PTPRD: variants seen among roughly 807,000 people sequenced by gnomAD.
The protein encoded by PTPRD is protein tyrosine phosphatase receptor type D.
In PTPRD, 34 loss-of-function variants were observed where a neutral mutation model predicts 214.5. That is an observed-to-expected ratio of 0.16 (90% CI 0.12 to 0.21). The LOEUF is 0.21. Ranked by LOEUF, PTPRD falls within the 10% of genes least tolerant of loss-of-function variation. PTPRD has a pLI of 1.00. For missense variants in PTPRD, 2,545 were observed against 2,398.7 expected (o/e 1.06, Z -1.27); for synonymous variants, 1,128 against 845.7 (o/e 1.33, Z -5.79).
chr9:10,143,567 A>G (rs2099002156), intron 3 of PTPRD, among the ~76,000 whole-genome samples: 1 of 138,640 alleles, frequency 7.2e-6, no homozygotes, highest in South Asian at 2.6e-4. Flanking sequence ...GGGTATATAC[A>G]TAAAGAAAAA....
chr9:9,051,425 T>C (rs67629046), intron 10 of PTPRD, among the ~76,000 whole-genome samples: 10,593 of 152,218 alleles, frequency 0.07, 414 homozygotes, highest in African/African-American at 0.084. Flanking sequence ...ATATTGCATA[T>C]CTCTACATGC....
intron 9 of PTPRD, among the ~76,000 whole-genome samples, chr9:9,277,753 G>C (rs1004102063): frequency 1.3e-5 from 2 of 151,184 alleles, no homozygotes; most frequent in Non-Finnish European, 1.5e-5. Context: ...AATATTCCAG[G>C]CATGTTTGAT....
intron 11 of PTPRD, among the ~76,000 whole-genome samples, chr9:8,758,656 A>G (rs190703958): frequency 8.6e-4 from 131 of 152,304 alleles, no homozygotes; most frequent in Admixed American, 8.5e-3. Flanking sequence ...TTCTGACTTA[A>G]TTGTCAATAT....
intron 3 of PTPRD, among the ~76,000 whole-genome samples, chr9:10,328,597 A>AG (rs1049573105): frequency 1.3e-5 from 2 of 151,822 alleles, no homozygotes; most frequent in African/African-American, 4.8e-5. Flanking sequence ...AGTTTTCCCG[A>AG]GACTTTGAAT....
At position 9,295,909 on chromosome 9, in the gene PTPRD, C is replaced by T. The variant is rs567120191; in HGVS notation, c.-203+101540G>A. On this transcript the variant is annotated intron_variant, in intron 9 of 45. Coordinates refer to ENST00000381196, the MANE Select transcript of PTPRD (RefSeq NM_002839.4). Reference sequence around the variant, plus strand: ...ACATTGTAAAGCCTCTCTTTTTAGCCTATTGACAATTATGACTTTACTACT... The same window carrying T: ...ACATTGTAAAGCCTCTCTTTTTAGCTTATTGACAATTATGACTTTACTACT... Among the ~76,000 whole-genome samples the T allele has an allele frequency of 2.0e-5, 3 of 151,868 alleles. No individual in the cohort carries two copies. The South Asian group carries it at 6.2e-4, about 31-fold the overall frequency.
chr9:8,985,137 ATTTAC>A (rs2099333694), intron 11 of PTPRD, among the ~76,000 whole-genome samples: 1 of 152,094 alleles, frequency 6.6e-6, no homozygotes, highest in African/African-American at 2.4e-5. Flanking sequence ...ATATGAGCAT[ATTTAC>A]TTTAAAAATT....
chr9:10,325,169 G>A (rs1173350480), intron 3 of PTPRD, among the ~76,000 whole-genome samples: 3 of 151,946 alleles, frequency 2.0e-5, no homozygotes, highest in African/African-American at 7.2e-5. Flanking sequence ...TAGTTTGGGG[G>A]TCTTGTTAAA....
intron 2 of PTPRD, among the ~76,000 whole-genome samples, chr9:10,348,422 G>T (rs1056895843): frequency 1.3e-5 from 2 of 152,158 alleles, no homozygotes; most frequent in African/African-American, 4.8e-5. Context: ...AAACAGGGTT[G>T]ACAAGCATAT....
intron 3 of PTPRD, among the ~76,000 whole-genome samples, chr9:10,245,051 A>G (rs1367495101): frequency 1.3e-5 from 2 of 152,152 alleles, no homozygotes; most frequent in Non-Finnish European, 2.9e-5. Flanking sequence ...TAATTTCTCA[A>G]ACAGAAATAT....
At chr9:10,447,421 T>A (rs1285297766) in intron 2 of PTPRD, among the ~76,000 whole-genome samples, 1 of 151,954 alleles carries the variant, frequency 6.6e-6, no homozygotes, top group East Asian at 1.9e-4. Context: ...GCTTTTCACA[T>A]AACTATCTCT....
At chr9:10,082,812 T>TACACAC (rs776251264) in intron 3 of PTPRD, among the ~76,000 whole-genome samples, 3,483 of 138,550 alleles carry the variant, frequency 0.025, 67 homozygotes, top group Middle Eastern at 0.081. Context: ...CTACTCCTCC[T>TACACAC]ACACACACAC....
intron 8 of PTPRD, among the ~76,000 whole-genome samples, chr9:9,444,600 T>C (rs1184819643): frequency 1.3e-5 from 2 of 152,184 alleles, no homozygotes; most frequent in African/African-American, 2.4e-5. Context: ...GTATAGGAGA[T>C]AGTCAATATT....
At chr9:8,620,283 C>T (rs114124454) in intron 14 of PTPRD, among the ~76,000 whole-genome samples, 241 of 152,062 alleles carry the variant, frequency 1.6e-3, no homozygotes, top group African/African-American at 5.6e-3. Flanking sequence ...TAATATTTAT[C>T]TTACAGACAA....
chr9:8,909,686 G>A (rs1245250251), intron 11 of PTPRD, among the ~76,000 whole-genome samples: 1 of 151,942 alleles, frequency 6.6e-6, no homozygotes, highest in African/African-American at 2.4e-5. Context: ...TTGAAAAGAA[G>A]CAAAGACGTC....
intron 2 of PTPRD, among the ~76,000 whole-genome samples, chr9:10,420,256 C>G (rs373843477): frequency 1.3e-5 from 2 of 151,940 alleles, no homozygotes; most frequent in East Asian, 3.9e-4. Flanking sequence ...TGAGTTTACT[C>G]TGAGAATTTA....
intron 5 of PTPRD, among the ~76,000 whole-genome samples, chr9:9,938,162 C>A (rs1264864905): frequency 6.6e-6 from 1 of 152,114 alleles, no homozygotes; most frequent in Admixed American, 6.6e-5. Flanking sequence ...AATGATAACT[C>A]TGGTTTCCCA....
At chr9:9,211,892 G>T (rs1488056894) in intron 9 of PTPRD, among the ~76,000 whole-genome samples, 1 of 151,382 alleles carries the variant, frequency 6.6e-6, no homozygotes, top group Non-Finnish European at 1.5e-5. Flanking sequence ...TTTCAGTGTT[G>T]CAGCCAGCCA....
chr9:9,256,049 G>C (rs988064061), intron 9 of PTPRD, among the ~76,000 whole-genome samples: 1 of 151,968 alleles, frequency 6.6e-6, no homozygotes, highest in East Asian at 1.9e-4. Context: ...CTTTAGAATA[G>C]CAAGACATCT....
chr9:8,541,781 T>A (rs1474013145), intron 14 of PTPRD, among the ~76,000 whole-genome samples: 1 of 152,216 alleles, frequency 6.6e-6, no homozygotes, highest in Admixed American at 6.5e-5. Flanking sequence ...ACAACTATGA[T>A]TTATTTCTTT....
Sources: allele counts gnomAD v4.1 joint callset (sites outside exome capture counted in the v4.1 genomes callset), GRCh38; gene constraint gnomAD v4.1.1; transcripts MANE v1.5; gene names NCBI Gene and HGNC (gene_info 2026-07-23, HGNC 2026-07-21).